Variants in ANKS1B observed in about 807,000 individuals in gnomAD.
ANKS1B encodes ankyrin repeat and sterile alpha motif domain containing 1B.
A neutral mutation model predicts 148.3 loss-of-function variants in ANKS1B; 36 were observed. That is an observed-to-expected ratio of 0.24 (90% CI 0.19 to 0.32). The LOEUF (loss-of-function observed/expected upper bound fraction) is 0.32, where lower values mean the gene tolerates loss of function less well. Among genes scored for constraint, ANKS1B ranks in the 10% least tolerant of loss-of-function variants. ANKS1B has a pLI of 1.00. For missense variants in ANKS1B, 1,157 were observed against 1,542.6 expected (o/e 0.75, Z 4.19); for synonymous variants, 542 against 560.8 (o/e 0.97, Z 0.47).
At chr12:99,546,179 T>C (rs934539147) in intron 9 of ANKS1B, among the ~76,000 whole-genome samples, 4 of 152,174 alleles carry the variant, frequency 2.6e-5, no homozygotes, top group African/African-American at 9.7e-5. Flanking sequence ...TCATTTATTC[T>C]ACCTGCCTGG....
At chr12:99,405,858 C>T (rs923433875) in intron 11 of ANKS1B, among the ~76,000 whole-genome samples, 3 of 143,358 alleles carry the variant, frequency 2.1e-5, no homozygotes, top group African/African-American at 8.0e-5. Flanking sequence ...ATATTCCATG[C>T]AAATAAAAAT....
chr12:98,846,025 CATAT>C (rs61065461), intron 17 of ANKS1B, among the ~76,000 whole-genome samples: 2 of 149,868 alleles, frequency 1.3e-5, no homozygotes, highest in African/African-American at 4.9e-5. Context: ...CACATACACA[CATAT>C]ATATATATGT....
At chr12:99,697,755 G>A (rs1380623808) in intron 8 of ANKS1B, among the ~76,000 whole-genome samples, 1 of 152,074 alleles carries the variant, frequency 6.6e-6, no homozygotes, top group Non-Finnish European at 1.5e-5. Flanking sequence ...TAATAATAAT[G>A]TATCAATATC....
In ANKS1B at chr12:99,532,596, G is replaced by A. The variant is rs147600793; in HGVS notation, c.1273-27955C>T. On this transcript the variant is annotated intron_variant, in intron 9 of 26. Transcript: ENST00000683438. ...AGGATGGTCTCAATCTCCTGACCTC[G>A]TGAGCCACCCACCTCGGCCTCCCAA... 3.9e-5 allele frequency among the ~76,000 whole-genome samples: 6 copies of A among 152,192 alleles called. No individual in the cohort carries two copies. The East Asian group carries it at 9.7e-4, about 25-fold the overall frequency.
At chr12:99,969,459 C>T (rs139040842) in intron 1 of ANKS1B, among the ~76,000 whole-genome samples, 162 of 152,184 alleles carry the variant, frequency 1.1e-3, no homozygotes, top group African/African-American at 3.7e-3. Context: ...GCTGGGATTA[C>T]GGGTGTGAGT....
chr12:98,874,498 T>A (rs1483565296), intron 17 of ANKS1B, among the ~76,000 whole-genome samples: 1 of 152,144 alleles, frequency 6.6e-6, no homozygotes, highest in South Asian at 2.1e-4. Context: ...TGAAGGGTAA[T>A]AATACGTTAC....
At position 98,880,473 on chromosome 12, in the gene ANKS1B, G is replaced by A. The variant is rs530983914; in HGVS notation, c.2779-48337C>T. On this transcript the variant is annotated intron_variant, in intron 17 of 26. Coordinates refer to ENST00000683438, the MANE Select transcript of ANKS1B (RefSeq NM_001352186.2). ...ATAAGTATACCCAGCTTTACAAGAT[G>A]GGTAGGTTTCTGGCCGGGCACGGTG... Among the ~76,000 whole-genome samples the A allele has an allele frequency of 7.2e-5, 11 of 152,252 alleles. No individual in the cohort carries two copies. In the South Asian group the frequency reaches 1.5e-3, roughly 20 times the overall value.
intron 9 of ANKS1B, among the ~76,000 whole-genome samples, chr12:99,511,031 A>G (rs2096760489): frequency 6.6e-6 from 1 of 151,898 alleles, no homozygotes; most frequent in Non-Finnish European, 1.5e-5. Context: ...CTCTTGCCTG[A>G]TTGCCCTGGC....
intron 15 of ANKS1B, among the ~76,000 whole-genome samples, chr12:99,087,857 C>A (rs780639585): frequency 2.2e-4 from 34 of 152,272 alleles, no homozygotes; most frequent in Middle Eastern, 3.4e-3. Context: ...TGTTTGAATA[C>A]TGAAATGTTT....
In ANKS1B at chr12:98,751,370, G is replaced by A; in HGVS notation, c.3732C>T (p.Ser1244=). 1 of 1,613,784 alleles carries A rather than the reference G, an allele frequency of 6.2e-7. No individual in the cohort carries two copies. Among genetic ancestry groups the A allele is most frequent in the Non-Finnish European group, 8.5e-7 (1 of 1,179,766 alleles). The change falls in exon 26 of 27, where the codon AGC becomes AGT. Residue 1244 remains serine (S), a synonymous_variant. Coordinates refer to ENST00000683438, the MANE Select transcript of ANKS1B (RefSeq NM_001352186.2). This position sits in a 1 kb window ranked among gnomAD's most constrained non-coding sequence, Gnocchi z 4.3. ...TTCTACTTACCACGGACTTGCGAAT[G>A]CTAACGCGGGGCTTGGGGATGGGTT... ...PSKPIPKPRV[S]IRKSVQIDPS...
At chr12:99,304,320 CTG>C (rs1474572331) in intron 12 of ANKS1B, among the ~76,000 whole-genome samples, 1 of 152,070 alleles carries the variant, frequency 6.6e-6, no homozygotes, top group African/African-American at 2.4e-5. Context: ...TTGCAGGAGA[CTG>C]TTTTAAATAG....
At chr12:99,429,857 G>A (rs2095335285) in intron 11 of ANKS1B, among the ~76,000 whole-genome samples, 1 of 151,964 alleles carries the variant, frequency 6.6e-6, no homozygotes, top group Non-Finnish European at 1.5e-5. Flanking sequence ...CCAGCTACTC[G>A]GGCAGCTGAG....
At chr12:99,022,985 T>A (rs995119540) in intron 17 of ANKS1B, among the ~76,000 whole-genome samples, 1 of 152,316 alleles carries the variant, frequency 6.6e-6, no homozygotes, top group East Asian at 1.9e-4. Context: ...TAGTAATACA[T>A]ATTTTTTGGC....
intron 1 of ANKS1B, among the ~76,000 whole-genome samples, chr12:99,955,291 G>A (rs1381748348): frequency 2.0e-5 from 3 of 151,664 alleles, no homozygotes; most frequent in African/African-American, 7.3e-5. Context: ...AGGCCTTCTC[G>A]AGACCATCCT....
rs139989934 is a variant in ANKS1B, at chr12:99,289,650, A to G, written c.1757-42786T>C. Among the ~76,000 whole-genome samples, 1,017 of 152,180 alleles carry G rather than the reference A, an allele frequency of 6.7e-3. 11 individuals carry two copies. The highest frequency in any genetic ancestry group is 0.023 in the African/African-American group (961 of 41,568). ...AACTATACAAACACATGGAAATTAA[A>G]CAATATGCTTCTGAATGACCAGTGA... On this transcript the variant is annotated intron_variant, in intron 12 of 26. Coordinates refer to ENST00000683438, the MANE Select transcript of ANKS1B (RefSeq NM_001352186.2).
intron 17 of ANKS1B, chr12:98,894,794 C>T: frequency 1.0e-6 from 1 of 984,826 alleles, no homozygotes; most frequent in Non-Finnish European, 1.2e-6. Flanking sequence ...AGGGCGAGCG[C>T]GCCGAGGAAG....
intron 12 of ANKS1B, among the ~76,000 whole-genome samples, chr12:99,373,127 T>C (rs1189855063): frequency 6.6e-6 from 1 of 152,186 alleles, no homozygotes; most frequent in East Asian, 1.9e-4. Context: ...ACATATATCT[T>C]ACTTACCCCT....
intron 9 of ANKS1B, among the ~76,000 whole-genome samples, chr12:99,569,658 C>G (rs1241456922): frequency 6.6e-6 from 1 of 152,190 alleles, no homozygotes; most frequent in Non-Finnish European, 1.5e-5. Context: ...TCTTTGTTGT[C>G]AGCCCCTACA....
chr12:99,317,126 G>C (rs1474284999), intron 12 of ANKS1B, among the ~76,000 whole-genome samples: 2 of 152,110 alleles, frequency 1.3e-5, no homozygotes, highest in African/African-American at 4.8e-5. Context: ...TGTTCTTTTT[G>C]CTTAGGATTG....
Sources: gnomAD v4.1 joint callset for allele counts (sites outside exome capture counted in the v4.1 genomes callset) on GRCh38, gnomAD v4.1.1 for gene constraint, Gnocchi (gnomAD v3.1) non-coding constraint, MANE v1.5 for transcripts, NCBI Gene and HGNC (gene_info 2026-07-23, HGNC 2026-07-21) for gene names.